The following EPB41L4A variants were observed in gnomAD, a reference collection of about 807,000 sequenced individuals.
EPB41L4A encodes the protein band 4.1-like protein 4A.
A neutral mutation model predicts 108.6 loss-of-function variants in EPB41L4A; 100 were observed. The ratio of observed to expected loss-of-function variants is 0.92; its 90% confidence interval spans 0.78 to 1.09. EPB41L4A has a LOEUF of 1.09. Among genes scored for constraint, EPB41L4A ranks in the 50% least tolerant of loss-of-function variants. The pLI is 0.00. For missense variants in EPB41L4A, 1,030 were observed against 842.7 expected, an observed-to-expected ratio of 1.22 and a Z score of -2.75; for synonymous variants, 319 against 289.0, an observed-to-expected ratio of 1.10 and a Z score of -1.05.
At chr5:112,380,944 AT>A (rs1760139874) in intron 1 of EPB41L4A, among the ~76,000 whole-genome samples, 1 of 152,154 alleles carries the variant, frequency 6.6e-6, no homozygotes, top group Non-Finnish European at 1.5e-5. Context: ...GCAGGCCAGT[AT>A]ATGTCAACAA....
At chr5:112,329,229 G>A (rs919655843) in intron 1 of EPB41L4A, among the ~76,000 whole-genome samples, 2 of 152,056 alleles carry the variant, frequency 1.3e-5, no homozygotes, top group Non-Finnish European at 2.9e-5. Context: ...TAGATATATT[G>A]AATTAAATAA....
At chr5:112,348,028 T>C (rs1172567807) in intron 1 of EPB41L4A, among the ~76,000 whole-genome samples, 2 of 152,230 alleles carry the variant, frequency 1.3e-5, no homozygotes, top group African/African-American at 4.8e-5. Context: ...ACTATGTGGC[T>C]CAATTCCTCA....
intron 12 of EPB41L4A, among the ~76,000 whole-genome samples, chr5:112,215,149 A>G (rs183201222): frequency 6.6e-6 from 1 of 152,192 alleles, no homozygotes; most frequent in Non-Finnish European, 1.5e-5. Context: ...TCTTTATTTA[A>G]TAAGTGTCAA....
chr5:112,164,902 A>T lies in EPB41L4A; in HGVS notation c.*88T>A. ...CTGAAGAAATACTTGCAGGTCTGAG[A>T]TTTGAATTAAGATACCTATTTCACA... On this transcript the variant is annotated 3_prime_UTR_variant, in exon 23 of 23. Coordinates refer to ENST00000261486, the MANE Select transcript of EPB41L4A (RefSeq NM_022140.5). 1.5e-6 allele frequency: 2 copies of T among 1,294,010 alleles called. No individual in the cohort carries two copies. The highest frequency in any genetic ancestry group is 2.1e-6 in the Non-Finnish European group (2 of 966,534). 80.2% of individuals were successfully genotyped at this position (1,294,010 alleles called of 1,614,324 possible). A position where few individuals can be genotyped will look rare whatever the true frequency, so the allele number is the denominator to read the frequency against.
chr5:112,344,649 G>A (rs978137387), intron 1 of EPB41L4A, among the ~76,000 whole-genome samples: 3 of 152,212 alleles, frequency 2.0e-5, no homozygotes, highest in Admixed American at 6.5e-5. Flanking sequence ...TACAAGGCCT[G>A]AAGGGCAGAA....
intron 12 of EPB41L4A, among the ~76,000 whole-genome samples, chr5:112,147,640 G>GAA (rs562034345): frequency 7.4e-4 from 49 of 65,790 alleles, no homozygotes; most frequent in African/African-American, 1.7e-3. Context: ...TCTGTCTCAA[G>GAA]AAAAAAAAAA....
At chr5:112,190,832 C>T (rs758706660) in intron 17 of EPB41L4A, among the ~76,000 whole-genome samples, 25 of 152,090 alleles carry the variant, frequency 1.6e-4, no homozygotes, top group Non-Finnish European at 2.8e-4. Context: ...TCAGGTTATT[C>T]TGTGTCATAC....
intron 12 of EPB41L4A, among the ~76,000 whole-genome samples, chr5:112,223,136 C>T (rs574338489): frequency 2.9e-4 from 44 of 152,042 alleles, no homozygotes; most frequent in Non-Finnish European, 5.4e-4. Context: ...GACAGGGTTT[C>T]GTCATGTTGG....
rs139698057 is a variant in EPB41L4A at position 112,389,962 on chromosome 5, G to A, written c.99+28979C>T. ...AGGGATGGCATGAAGGTATAAAGGC[G>A]GTTCTACCAATGCCAAACTTCCAAA... On this transcript the variant is annotated intron_variant, in intron 1 of 22. Coordinates refer to ENST00000261486, the MANE Select transcript of EPB41L4A (RefSeq NM_022140.5). Among the ~76,000 whole-genome samples, 14 of 152,252 alleles carry A rather than the reference G, an allele frequency of 9.2e-5. 1 individual carries two copies. In the South Asian group the frequency reaches 1.2e-3, roughly 14 times the overall value.
At chr5:112,166,252 A>G (rs1760237936) in intron 22 of EPB41L4A, among the ~76,000 whole-genome samples, 1 of 152,212 alleles carries the variant, frequency 6.6e-6, no homozygotes, top group South Asian at 2.1e-4. Context: ...TTAGAACTTA[A>G]AGTTGTACCT....
intron 1 of EPB41L4A, among the ~76,000 whole-genome samples, chr5:112,317,630 C>G (rs1470670995): frequency 6.6e-6 from 1 of 152,088 alleles, no homozygotes; most frequent in African/African-American, 2.4e-5. Flanking sequence ...AGTTTTCTAG[C>G]GGTCACAGGG....
At chr5:112,155,659 T>C (rs1052575976) in intron 12 of EPB41L4A, among the ~76,000 whole-genome samples, 2 of 152,046 alleles carry the variant, frequency 1.3e-5, no homozygotes, top group South Asian at 2.1e-4. Context: ...AAGAACTTTA[T>C]AGAAAAGGAA....
intron 12 of EPB41L4A, among the ~76,000 whole-genome samples, chr5:112,149,274 G>C (rs1759376305): frequency 6.6e-6 from 1 of 152,078 alleles, no homozygotes; most frequent in African/African-American, 2.4e-5. Flanking sequence ...GTCAGGACTT[G>C]AGCCTGACCA....
At chr5:112,400,990 T>G (rs941882575) in intron 1 of EPB41L4A, among the ~76,000 whole-genome samples, 1 of 151,988 alleles carries the variant, frequency 6.6e-6, no homozygotes, top group Non-Finnish European at 1.5e-5. Context: ...ATGATGAAAA[T>G]AAGAAGTTCC....
intron 1 of EPB41L4A, among the ~76,000 whole-genome samples, chr5:112,418,657 T>C (rs374579844): frequency 6.6e-6 from 1 of 152,076 alleles, no homozygotes; most frequent in Non-Finnish European, 1.5e-5. Context: ...CCAGAGGCTT[T>C]TGGAGAAAAC....
chr5:112,294,566 A>C (rs2150546331), intron 2 of EPB41L4A, among the ~76,000 whole-genome samples: 1 of 152,326 alleles, frequency 6.6e-6, no homozygotes, highest in East Asian at 1.9e-4. Flanking sequence ...TTCAGGAAGC[A>C]GGAGACATCA....
At chr5:112,262,256 T>C (rs1301684504) in intron 7 of EPB41L4A, among the ~76,000 whole-genome samples, 5 of 152,174 alleles carry the variant, frequency 3.3e-5, no homozygotes, top group Non-Finnish European at 7.4e-5. Flanking sequence ...GTTATCCAGA[T>C]TGTGTTTTCA....
chr5:112,349,711 T>C (rs1440570182), intron 1 of EPB41L4A, among the ~76,000 whole-genome samples: 1 of 151,908 alleles, frequency 6.6e-6, no homozygotes, highest in East Asian at 1.9e-4. Flanking sequence ...AGAAAGACAC[T>C]GAAGGAGATG....
At chr5:112,183,967 A>G in intron 18 of EPB41L4A, 49 bp downstream of exon 18, 1 of 1,609,494 alleles carries the variant, frequency 6.2e-7, no homozygotes, top group Middle Eastern at 1.7e-4. Flanking sequence ...TCCACATGCT[A>G]CTTCAAATTC....
Sources: gnomAD v4.1 joint callset for allele counts (sites outside exome capture counted in the v4.1 genomes callset) on GRCh38, gnomAD v4.1.1 for gene constraint, MANE v1.5 for transcripts, NCBI Gene and HGNC (gene_info 2026-07-23, HGNC 2026-07-21) for gene names.